Variants in LUZP2 observed in about 807,000 individuals in gnomAD.
LUZP2 encodes leucine zipper protein 2.
In LUZP2, 52 loss-of-function variants were observed where a neutral mutation model predicts 51.6. The observed-to-expected ratio is 1.01, with a 90% CI of 0.81 to 1.27. The LOEUF (loss-of-function observed/expected upper bound fraction) is 1.27. LUZP2 is among the 50% of genes most tolerant of loss of function. LUZP2 has a pLI of 0.00. For missense variants in LUZP2, 436 were observed against 395.4 expected (o/e 1.10, Z -0.87); for synonymous variants, 154 against 137.3 (o/e 1.12, Z -0.85).
intron 9 of LUZP2, among the ~76,000 whole-genome samples, chr11:25,011,839 A>T (rs905219768): frequency 6.6e-6 from 1 of 151,890 alleles, no homozygotes; most frequent in Non-Finnish European, 1.5e-5. Flanking sequence ...TCTGTTGGGA[A>T]TATTTCAAGT....
intron 1 of LUZP2, 35 bp from the exon 2 acceptor site, chr11:24,729,134 T>C: frequency 8.6e-7 from 1 of 1,167,212 alleles, no homozygotes; most frequent in Non-Finnish European, 1.2e-6. Context: ...GTGGAACCAT[T>C]TGGGGGGCTC....
chr11:24,712,115 C>A (rs1565092665), intron 1 of LUZP2, among the ~76,000 whole-genome samples: 1 of 152,056 alleles, frequency 6.6e-6, no homozygotes, highest in South Asian at 2.1e-4. Flanking sequence ...GGAAAGAGAC[C>A]TTGTTATAAA....
At position 24,878,098 on chromosome 11, in the gene LUZP2, GTGT is replaced by G. The variant is rs547936368; in HGVS notation, c.397-27891_397-27889del. Reference sequence around the variant, plus strand: ...GATAGTTACGGTGTTGTAATATTCTGTGTTTTTTTTTTTTTTTTTGGTGAACTT... The same window carrying G: ...GATAGTTACGGTGTTGTAATATTCTGTTTTTTTTTTTTTTTTGGTGAACTT... On this transcript the variant is annotated intron_variant, in intron 5 of 11. Transcript: ENST00000336930. Among the ~76,000 whole-genome samples, 13 of 18,552 alleles carry G rather than the reference GTGT, an allele frequency of 7.0e-4. 2 individuals are homozygous for G. In the South Asian group the frequency reaches 0.011, roughly 16 times the overall value. 12.2% of individuals were successfully genotyped at this position (18,552 alleles called of 152,430 possible). A position where few individuals can be genotyped will look rare whatever the true frequency, so the allele number is the denominator to read the frequency against.
rs184882627 is a variant in LUZP2, at chr11:24,599,219, G to C, written c.62+101914G>C. ...GTTTAAGAAAAGATGCTGAAAAAGA[G>C]ATTCTAAAGAGAAACTACTTTTCCA... is the stretch of plus-strand genomic sequence containing the variant. On this transcript the variant is annotated intron_variant, in intron 1 of 11. Transcript: ENST00000336930. Among the ~76,000 whole-genome samples, 491 of 152,246 alleles carry C rather than the reference G, an allele frequency of 3.2e-3. 2 individuals are homozygous for C. The highest frequency in any genetic ancestry group is 0.011 in the African/African-American group (470 of 41,554).
intron 1 of LUZP2, among the ~76,000 whole-genome samples, chr11:24,548,810 C>T (rs1173898796): frequency 6.6e-6 from 1 of 151,818 alleles, no homozygotes; most frequent in African/African-American, 2.4e-5. Context: ...AATATAGAAA[C>T]ATGGAAAATG....
At chr11:24,781,093 T>C (rs893411443) in intron 5 of LUZP2, among the ~76,000 whole-genome samples, 1 of 152,134 alleles carries the variant, frequency 6.6e-6, no homozygotes, top group African/African-American at 2.4e-5. Context: ...GTTACTATGT[T>C]CAATCTTTAT....
At chr11:24,827,004 A>G (rs1418022844) in intron 5 of LUZP2, among the ~76,000 whole-genome samples, 1 of 152,176 alleles carries the variant, frequency 6.6e-6, no homozygotes, top group Non-Finnish European at 1.5e-5. Flanking sequence ...TTTTCAATAA[A>G]ATTATAATGT....
At chr11:24,561,435 G>A (rs1414568271) in intron 1 of LUZP2, among the ~76,000 whole-genome samples, 1 of 152,036 alleles carries the variant, frequency 6.6e-6, no homozygotes, top group Non-Finnish European at 1.5e-5. Context: ...ATGAAGCCCA[G>A]CATCTCAGTA....
chr11:24,640,495 T>G (rs1855241724), intron 1 of LUZP2, among the ~76,000 whole-genome samples: 1 of 151,914 alleles, frequency 6.6e-6, no homozygotes, highest in African/African-American at 2.4e-5. Flanking sequence ...TTTGTGAGAT[T>G]TATCTGGTTA....
intron 5 of LUZP2, among the ~76,000 whole-genome samples, chr11:24,903,994 T>G (rs540936278): frequency 3.3e-5 from 5 of 152,248 alleles, no homozygotes; most frequent in African/African-American, 9.6e-5. Flanking sequence ...ATATATCCAG[T>G]AATGGGGTTG....
At chr11:24,925,262 G>C (rs578134385) in intron 7 of LUZP2, among the ~76,000 whole-genome samples, 183 of 152,204 alleles carry the variant, frequency 1.2e-3, no homozygotes, top group Non-Finnish European at 2.3e-3. Flanking sequence ...CAGGAAGAGA[G>C]GATAATGAGG....
intron 4 of LUZP2, among the ~76,000 whole-genome samples, chr11:24,746,329 A>G (rs1859378950): frequency 6.6e-6 from 1 of 152,196 alleles, no homozygotes; most frequent in Admixed American, 6.5e-5. Flanking sequence ...TTCACTGGAT[A>G]CAAAATTCTT....
At chr11:24,854,078 C>T (rs1023430375) in intron 5 of LUZP2, among the ~76,000 whole-genome samples, 2 of 152,216 alleles carry the variant, frequency 1.3e-5, no homozygotes, top group African/African-American at 4.8e-5. Context: ...AGATGTCTCC[C>T]ACTCAGGAGT....
chr11:25,023,279 G>A (rs145348368), intron 9 of LUZP2, among the ~76,000 whole-genome samples: 156 of 151,958 alleles, frequency 1.0e-3, no homozygotes, highest in African/African-American at 3.3e-3. Context: ...ATCTAATCCC[G>A]GACTTTTTTT....
chr11:24,549,163 C>A (rs1283052525), intron 1 of LUZP2, among the ~76,000 whole-genome samples: 1 of 151,840 alleles, frequency 6.6e-6, no homozygotes, highest in Non-Finnish European at 1.5e-5. Flanking sequence ...TTTTATATCC[C>A]TTATTTTATA....
At chr11:24,641,183 A>G (rs912664617) in intron 1 of LUZP2, among the ~76,000 whole-genome samples, 4 of 151,504 alleles carry the variant, frequency 2.6e-5, no homozygotes, top group Non-Finnish European at 4.4e-5. Flanking sequence ...CCACAGTGCT[A>G]AGATTACAGA....
intron 1 of LUZP2, among the ~76,000 whole-genome samples, chr11:24,549,451 G>A (rs185169435): frequency 6.6e-5 from 10 of 152,172 alleles, no homozygotes; most frequent in Non-Finnish European, 1.5e-4. Context: ...TTAAAAATAA[G>A]TCTACGGAGT....
chr11:24,539,338 T>G (rs907672060), intron 1 of LUZP2, among the ~76,000 whole-genome samples: 2 of 151,900 alleles, frequency 1.3e-5, no homozygotes, highest in Non-Finnish European at 2.9e-5. Context: ...AATATATGTG[T>G]GCTATCTGTT....
Position 24,807,600 on chromosome 11 carries a change from A to C in LUZP2, c.396+44292A>C, listed in dbSNP as rs538344081. 2.0e-5 allele frequency among the ~76,000 whole-genome samples: 3 copies of C among 152,208 alleles called. No individual in the cohort carries two copies. In the East Asian group the frequency reaches 5.8e-4, roughly 29 times the overall value. On this transcript the variant is annotated intron_variant, in intron 5 of 11. Transcript: ENST00000336930. ...CACAAAGAATGAATAGTTGTGTAGA[A>C]ATGTGATTGGGCAAAAAAGAGTGTA...
Sources: gnomAD v4.1 joint callset for allele counts (sites outside exome capture counted in the v4.1 genomes callset) on GRCh38, gnomAD v4.1.1 for gene constraint, MANE v1.5 for transcripts, NCBI Gene and HGNC (gene_info 2026-07-23, HGNC 2026-07-21) for gene names.